SCN3A: variants seen among roughly 807,000 people sequenced by gnomAD.
The protein encoded by SCN3A is sodium channel protein type 3 subunit alpha.
A neutral mutation model predicts 187.6 loss-of-function variants in SCN3A; 60 were observed. That is an observed-to-expected ratio of 0.32 (90% CI 0.26 to 0.40). SCN3A has a LOEUF of 0.40. Ranked by LOEUF, SCN3A falls within the 10% of genes least tolerant of loss-of-function variation. The pLI, the probability that SCN3A is intolerant of heterozygous loss-of-function variation, is 1.00. For missense variants in SCN3A, 1,601 were observed against 2,428.2 expected, an observed-to-expected ratio of 0.66 and a Z score of 7.16; for synonymous variants, 788 against 829.2, an observed-to-expected ratio of 0.95 and a Z score of 0.85.
At chr2:165,177,047 T>A (rs1690513968) in intron 2 of SCN3A, among the ~76,000 whole-genome samples, 1 of 152,186 alleles carries the variant, frequency 6.6e-6, no homozygotes, top group Admixed American at 6.5e-5. Context: ...CCAGAAAAGA[T>A]CTGATCACCA....
intron 21 of SCN3A, among the ~76,000 whole-genome samples, chr2:165,104,269 T>C (rs1003018847): frequency 6.6e-6 from 1 of 151,934 alleles, no homozygotes; most frequent in Non-Finnish European, 1.5e-5. Flanking sequence ...ATACAGTAAT[T>C]AAAGCTGTTA....
chr2:165,127,927 T>G lies in SCN3A; in HGVS notation c.3097A>C (p.Lys1033Gln), dbSNP rs1262613059. ...RECFQKAFFRKPKVIEIHEGN... is the reference protein window; with the variant it reads ...RECFQKAFFRQPKVIEIHEGN... ...TCATGGATTTCTATAACTTTTGGCTTTCTAAAAAAGGCTTTTTGGAAACAC... is the reference window on the plus strand; with the variant it reads ...TCATGGATTTCTATAACTTTTGGCTGTCTAAAAAAGGCTTTTTGGAAACAC... Residue 1033 changes from lysine to glutamine, a missense_variant, in exon 18 of 28, where the codon AAG becomes CAG. Lys to Gln is a moderately conservative substitution (Grantham distance 53). Transcript: ENST00000283254. 1 of 1,614,152 alleles carries G rather than the reference T, an allele frequency of 6.2e-7. No homozygotes were observed. Among genetic ancestry groups the G allele is most frequent in the Admixed American group, 1.7e-5 (1 of 60,026 alleles).
Position 165,125,308 on chromosome 2 carries a change from CT to C in SCN3A, c.3393+2322del, listed in dbSNP as rs773609297. ...TCACATGCAACCTGACAGGATTAAA[CT>C]TTTTTTTTTTTTGAGATGGAGTCTT... On this transcript the variant is annotated intron_variant, in intron 18 of 27. Transcript: ENST00000283254. 1.4e-3 allele frequency among the ~76,000 whole-genome samples: 200 copies of C among 145,630 alleles called. 1 individual carries two copies. Among genetic ancestry groups the C allele is most frequent in the East Asian group, 2.2e-3 (11 of 5,018 alleles).
rs536577245 is a variant in SCN3A at position 165,092,642 on chromosome 2, C to T, written c.4537-118G>A. 2 of 907,860 alleles carry T rather than the reference C, an allele frequency of 2.2e-6. No individual in the cohort carries two copies. The highest frequency in any genetic ancestry group is 1.6e-5 in the South Asian group (1 of 61,440). The allele number at this position is 907,860 out of a possible 1,614,324, so 56.2% of individuals were successfully genotyped here. Reference sequence around the variant, plus strand: ...ATGGATGTGCACCCTCCTCATATTACCCCAAACAATTTTGTGTGCTTTTTT... The same window carrying T: ...ATGGATGTGCACCCTCCTCATATTATCCCAAACAATTTTGTGTGCTTTTTT... On this transcript the variant is annotated intron_variant, in intron 26 of 27. Coordinates refer to ENST00000283254, the MANE Select transcript of SCN3A (RefSeq NM_006922.4). The surrounding 1 kb of genome is among the most constrained non-coding windows in gnomAD (Gnocchi z 4.2).
chr2:165,095,010 T>C (rs1363377478), intron 25 of SCN3A, among the ~76,000 whole-genome samples: 1 of 152,136 alleles, frequency 6.6e-6, no homozygotes, highest in African/African-American at 2.4e-5. Flanking sequence ...TTACATAGCT[T>C]ACCCTTAAGC....
chr2:165,128,921 T>A (rs1244792570), intron 17 of SCN3A, among the ~76,000 whole-genome samples: 1 of 152,200 alleles, frequency 6.6e-6, no homozygotes. Flanking sequence ...TAATTCATTA[T>A]TTCTGATGTA....
chr2:165,180,780 C>A (rs890564257), intron 2 of SCN3A, among the ~76,000 whole-genome samples: 9 of 151,974 alleles, frequency 5.9e-5, no homozygotes, highest in African/African-American at 2.2e-4. Context: ...GTGTTATGAT[C>A]AATGTGAAGA....
intron 15 of SCN3A, 124 bp from the exon 16 acceptor site, chr2:165,131,541 ATCAAT>A (rs1171642880): frequency 2.2e-5 from 11 of 501,170 alleles, no homozygotes; most frequent in Middle Eastern, 5.1e-4. Context: ...AATGTGACAA[ATCAAT>A]TCAAGTCTTA....
chr2:165,102,643 G>C (rs909700931), intron 21 of SCN3A, among the ~76,000 whole-genome samples: 1 of 152,326 alleles, frequency 6.6e-6, no homozygotes, highest in Admixed American at 6.5e-5. Flanking sequence ...GCATGGAATT[G>C]TGTGTTGTTA....
At chr2:165,161,069 T>C (rs1689339341) in intron 9 of SCN3A, among the ~76,000 whole-genome samples, 1 of 151,776 alleles carries the variant, frequency 6.6e-6, no homozygotes. Flanking sequence ...ACTACACGTG[T>C]GCATCACAAT....
At chr2:165,171,565 C>A (rs892440557) in intron 3 of SCN3A, among the ~76,000 whole-genome samples, 1 of 151,966 alleles carries the variant, frequency 6.6e-6, no homozygotes, top group African/African-American at 2.4e-5. Flanking sequence ...TTAAAACTTT[C>A]CTGAGGCGAT....
At chr2:165,202,029 T>C (rs753817254) in intron 1 of SCN3A, among the ~76,000 whole-genome samples, 4 of 152,074 alleles carry the variant, frequency 2.6e-5, no homozygotes, top group Non-Finnish European at 5.9e-5. Context: ...CCCAAGACTT[T>C]CAGCTCAGGG....
rs561454793 is a variant in SCN3A, at chr2:165,091,047, C to T, written c.5106G>A (p.Leu1702=). 2.5e-6 allele frequency: 4 copies of T among 1,614,108 alleles called. No homozygotes were observed. The African/African-American group carries it at 4.0e-5, about 16-fold the overall frequency. The part of the protein sequence containing the change: ...FETFGNSMIC[L]FQITTSAGWD... ...AGCCAGCAGAGGTTGTAATTTGGAA[C>T]AAGCAGATCATGCTGTTGCCAAAGG... Residue 1702 remains leucine, a synonymous_variant, in exon 28 of 28, where the codon TTG becomes TTA. Coordinates refer to ENST00000283254, the MANE Select transcript of SCN3A (RefSeq NM_006922.4).
intron 11 of SCN3A, 117 bp downstream of exon 11, chr2:165,154,335 A>G (rs1688881545): frequency 2.7e-6 from 3 of 1,121,062 alleles, no homozygotes; most frequent in Non-Finnish European, 3.8e-6. Context: ...TTTTCTAATG[A>G]CAATGCCTAT....
At position 165,113,124 on chromosome 2, in the gene SCN3A, CT is replaced by C. The variant is rs1232353869; in HGVS notation, c.3670-67del. The C allele has an allele frequency of 2.4e-6, 3 of 1,257,086 alleles. No homozygotes were observed. In the African/African-American group the frequency reaches 4.4e-5, roughly 19 times the overall value. 77.9% of individuals were successfully genotyped at this position (1,257,086 alleles called of 1,614,324 possible). On this transcript the variant is annotated intron_variant, in intron 20 of 27. Transcript: ENST00000283254. ...TTCTTCTAAATATTTGAAAAAATTGCTTAGTATAATAGTGAGTACAAAACAA... is the reference window on the plus strand; with the variant it reads ...TTCTTCTAAATATTTGAAAAAATTGCTAGTATAATAGTGAGTACAAAACAA...
chr2:165,104,028 T>C (rs1412788597), intron 21 of SCN3A, among the ~76,000 whole-genome samples: 2 of 151,988 alleles, frequency 1.3e-5, no homozygotes, highest in Non-Finnish European at 2.9e-5. Flanking sequence ...TCTTAAAAAA[T>C]CCCATAAGAG....
intron 22 of SCN3A, among the ~76,000 whole-genome samples, chr2:165,099,013 C>G (rs930468555): frequency 3.3e-5 from 5 of 152,132 alleles, no homozygotes; most frequent in African/African-American, 1.2e-4. Context: ...CTTTCTTTAG[C>G]ATTAGCAAGG....
chr2:165,176,199 C>T lies in SCN3A; in HGVS notation c.196G>A (p.Gly66Arg). 1.2e-6 allele frequency: 2 copies of T among 1,614,120 alleles called. No individual in the cohort carries two copies. Among genetic ancestry groups the T allele is most frequent in the Non-Finnish European group, 1.7e-6 (2 of 1,179,976 alleles). Reference sequence around the variant, plus strand: ...GACACCATCTCTGGAGGAATGTCTCCATAAATAAATGGAAGGTTCTTTCCA... The same window carrying T: ...GACACCATCTCTGGAGGAATGTCTCTATAAATAAATGGAAGGTTCTTTCCA... ...EAGKNLPFIY[G>R]DIPPEMVSEP... The change falls in exon 3 of 28, where the codon GGA (glycine) becomes AGA (arginine). Residue 66 changes from glycine to arginine, a missense_variant. Around this residue, in one of 11 missense-constraint regions of SCN3A, gnomAD observed 74 missense variants for 77.7 expected, o/e 0.95. Coordinates refer to ENST00000283254, the MANE Select transcript of SCN3A (RefSeq NM_006922.4).
intron 10 of SCN3A, among the ~76,000 whole-genome samples, chr2:165,155,289 T>C (rs1688949337): frequency 6.6e-6 from 1 of 152,156 alleles, no homozygotes; most frequent in African/African-American, 2.4e-5. Context: ...TTGCTTTATG[T>C]TGGACCTTCC....
Sources: allele counts gnomAD v4.1 joint callset (sites outside exome capture counted in the v4.1 genomes callset), GRCh38; gene constraint gnomAD v4.1.1; regional missense constraint gnomAD v4.1.1; non-coding constraint Gnocchi (gnomAD v3.1); transcripts MANE v1.5; gene names NCBI Gene and HGNC (gene_info 2026-07-23, HGNC 2026-07-21).